The following NDEL1 variants were observed in gnomAD, a reference collection of about 807,000 sequenced individuals.
NDEL1 encodes nuclear distribution protein nudE-like 1.
In NDEL1, 9 loss-of-function variants were observed where a neutral mutation model predicts 45.7. The ratio of observed to expected loss-of-function variants is 0.20; its 90% CI spans 0.12 to 0.34. NDEL1 has a LOEUF of 0.34. NDEL1 is among the 10% of genes least tolerant of loss of function. NDEL1 has a pLI of 1.00. For synonymous variants in NDEL1, 133 were observed against 158.6 expected (o/e 0.84, Z 1.21); for missense variants, 306 against 406.2 (o/e 0.75, Z 2.12).
chr17:8,457,930 A>T (rs919911459), intron 7 of NDEL1, among the ~76,000 whole-genome samples: 1 of 152,228 alleles, frequency 6.6e-6, no homozygotes, highest in African/African-American at 2.4e-5. Flanking sequence ...TCTGTATTAC[A>T]TGTTATCCAT....
intron 1 of NDEL1, among the ~76,000 whole-genome samples, chr17:8,428,136 A>C (rs1046624238): frequency 4.6e-5 from 7 of 151,544 alleles, no homozygotes; most frequent in African/African-American, 1.7e-4. Flanking sequence ...CTTGTTGTCT[A>C]TTTTCCCTTT....
At chr17:8,431,977 A>C (rs988462864), upstream of NDEL1, 1 of 146,622 alleles carries the variant, frequency 6.8e-6, no homozygotes, top group Non-Finnish European at 1.5e-5. Context: ...CTCAAGCTTC[A>C]CCCACCTGAG....
Position 8,439,333 on chromosome 17 carries a change from C to T in NDEL1, c.-13+3288C>T, listed in dbSNP as rs147845704. ...TCGGCTCACTGCAACCTCCTCCTCC[C>T]GGGTTTGAGCGATTCTCCTGCCTCA... On this transcript the variant is annotated intron_variant, in intron 1 of 8. Transcript: ENST00000334527. Among the ~76,000 whole-genome samples the T allele has an allele frequency of 4.9e-3, 739 of 151,864 alleles. 2 individuals are homozygous for T. Among genetic ancestry groups the T allele is most frequent in the African/African-American group, 0.015 (629 of 41,400 alleles).
At chr17:8,449,323 C>T (rs2151722478) in intron 5 of NDEL1, among the ~76,000 whole-genome samples, 1 of 152,168 alleles carries the variant, frequency 6.6e-6, no homozygotes, top group South Asian at 2.1e-4. Flanking sequence ...TGGAGACAGT[C>T]TCAGTATGTT....
chr17:8,436,891 G>C (rs937378642), intron 1 of NDEL1, among the ~76,000 whole-genome samples: 1 of 152,196 alleles, frequency 6.6e-6, no homozygotes, highest in African/African-American at 2.4e-5. Flanking sequence ...ACTGGTGAGT[G>C]GTTTAGCTTG....
intron 1 of NDEL1, among the ~76,000 whole-genome samples, chr17:8,442,597 G>A (rs1246887031): frequency 1.3e-5 from 2 of 149,784 alleles, no homozygotes; most frequent in African/African-American, 4.9e-5. Context: ...ATGAGCCACC[G>A]TGTCCAGCCT....
chr17:8,467,422 C>T lies in NDEL1; in HGVS notation c.*399C>T, dbSNP rs1425212722. On this transcript the variant is annotated 3_prime_UTR_variant, in exon 9 of 9. Coordinates refer to ENST00000334527, the MANE Select transcript of NDEL1 (RefSeq NM_030808.5). This position sits in a 1 kb window ranked among gnomAD's most constrained non-coding sequence, Gnocchi z 6.3. ...ATCTTCTAGAAGTTCTCCCCCAAATCAGGTCAATGTGTGCCCTCCTGAGCT... is the reference window on the plus strand; with the variant it reads ...ATCTTCTAGAAGTTCTCCCCCAAATTAGGTCAATGTGTGCCCTCCTGAGCT... The T allele has an allele frequency of 2.5e-6, 1 of 406,006 alleles. No individual in the cohort carries two copies. Among genetic ancestry groups the T allele is most frequent in the African/African-American group, 2.1e-5 (1 of 48,586 alleles). 25.2% of individuals were successfully genotyped at this position (406,006 alleles called of 1,614,324 possible).
chr17:8,451,067 A>T (rs1305054266), intron 6 of NDEL1, 114 bp downstream of exon 6: 1 of 963,614 alleles, frequency 1.0e-6, no homozygotes, highest in Non-Finnish European at 1.5e-6. Context: ...AAAGTTGGTG[A>T]AGTCTAGTGC....
chr17:8,428,869 T>C lies in NDEL1; in HGVS notation c.-12-15391T>C, dbSNP rs552375673. On this transcript the variant is annotated intron_variant, in intron 1 of 4. Coordinates refer to the NDEL1 transcript ENST00000582812. ...TTTGTATTTTTAGTAGAGACGGGGT[T>C]TCACCGTGTTAGCCAAGATGGTCTC... 6.3e-3 allele frequency among the ~76,000 whole-genome samples: 954 copies of C among 151,732 alleles called. 13 individuals carry two copies. Among genetic ancestry groups the C allele is most frequent in the African/African-American group, 0.021 (881 of 41,344 alleles).
chr17:8,427,382 G>C (rs1166295574), intron 1 of NDEL1, among the ~76,000 whole-genome samples: 1 of 152,134 alleles, frequency 6.6e-6, no homozygotes, highest in Non-Finnish European at 1.5e-5. Flanking sequence ...TTTTGAATCG[G>C]ACATGAGTTG....
At chr17:8,429,577 C>T (rs891063389) in intron 1 of NDEL1, among the ~76,000 whole-genome samples, 4 of 152,102 alleles carry the variant, frequency 2.6e-5, no homozygotes, top group Non-Finnish European at 4.4e-5. Flanking sequence ...GCCTAGGCAG[C>T]AGCTGCAGTG....
intron 6 of NDEL1, among the ~76,000 whole-genome samples, chr17:8,454,058 C>T (rs1006214453): frequency 2.6e-5 from 4 of 152,036 alleles, no homozygotes; most frequent in Non-Finnish European, 5.9e-5. Flanking sequence ...ACTATAATTT[C>T]TAGGTGAATT....
intron 8 of NDEL1, among the ~76,000 whole-genome samples, chr17:8,461,938 G>A (rs1312606742): frequency 2.6e-5 from 4 of 152,040 alleles, no homozygotes; most frequent in Non-Finnish European, 4.4e-5. Flanking sequence ...GAACAGTCAC[G>A]AGGAGGGAAG....
chr17:8,437,329 C>G (rs1184707247), intron 1 of NDEL1, among the ~76,000 whole-genome samples: 1 of 152,188 alleles, frequency 6.6e-6, no homozygotes, highest in Non-Finnish European at 1.5e-5. Flanking sequence ...GTTGCTAAAT[C>G]TTCTGAAGCT....
chr17:8,446,994 C>T, intron 4 of NDEL1, 92 bp downstream of exon 4: 2 of 1,451,368 alleles, frequency 1.4e-6, no homozygotes, highest in East Asian at 2.5e-5. Context: ...ATCTTAGTCC[C>T]AGAACATTTC....
chr17:8,452,359 C>T (rs1483757274), intron 6 of NDEL1, among the ~76,000 whole-genome samples: 1 of 152,044 alleles, frequency 6.6e-6, no homozygotes, highest in Admixed American at 6.6e-5. Context: ...TTTAATAGCC[C>T]GTTAGAGTTT....
At chr17:8,462,304 TTA>T (rs1255001802) in intron 8 of NDEL1, among the ~76,000 whole-genome samples, 1 of 152,224 alleles carries the variant, frequency 6.6e-6, no homozygotes, top group African/African-American at 2.4e-5. Context: ...AGTGTTTAGC[TTA>T]TATGATAAGT....
chr17:8,433,266 C>A (rs576386117), upstream of NDEL1, among the ~76,000 whole-genome samples: 1 of 152,320 alleles, frequency 6.6e-6, no homozygotes, highest in South Asian at 2.1e-4. Flanking sequence ...TAGGCCAAAT[C>A]TGTTGAGATA....
chr17:8,470,979 G>A (rs538402999), downstream of NDEL1, among the ~76,000 whole-genome samples: 16 of 152,290 alleles, frequency 1.1e-4, 1 homozygote, highest in South Asian at 3.3e-3. The surrounding 1 kb of genome is among the most constrained non-coding windows in gnomAD (Gnocchi z 4.2). Context: ...AGGCATCCTG[G>A]GTGGAGCCAC....
Sources: gnomAD v4.1 joint callset for allele counts (sites outside exome capture counted in the v4.1 genomes callset) on GRCh38, gnomAD v4.1.1 for gene constraint, Gnocchi (gnomAD v3.1) non-coding constraint, MANE v1.5 for transcripts, NCBI Gene and HGNC (gene_info 2026-07-23, HGNC 2026-07-21) for gene names.